The following TYW1B variants were observed in gnomAD, a reference collection of about 807,000 sequenced individuals.
TYW1B encodes S-adenosyl-L-methionine-dependent tRNA 4-demethylwyosine synthase TYW1B.
A neutral mutation model predicts 86.9 loss-of-function variants in TYW1B; 73 were observed. That is an observed-to-expected ratio of 0.84 (90% CI 0.70 to 1.02). TYW1B has a LOEUF of 1.02. TYW1B is among the 50% of genes least tolerant of loss of function. TYW1B has a pLI of 0.00. For missense variants in TYW1B, 637 were observed against 827.4 expected (o/e 0.77, Z 2.82); for synonymous variants, 248 against 292.8 (o/e 0.85, Z 1.56).
chr7:72,588,902 T>A (rs1811334825), intron 13 of TYW1B, among the ~76,000 whole-genome samples: 1 of 152,052 alleles, frequency 6.6e-6, no homozygotes, highest in African/African-American at 2.4e-5. Flanking sequence ...AACCTCTGCC[T>A]CCTGGGTTCA....
intron 11 of TYW1B, among the ~76,000 whole-genome samples, chr7:72,657,065 T>C (rs1813221742): frequency 6.6e-6 from 1 of 152,172 alleles, no homozygotes. Context: ...AGGAAATTTA[T>C]GAAATGCCTG....
intron 7 of TYW1B, 148 bp from the exon 8 acceptor site, chr7:72,744,749 A>G: frequency 1.1e-6 from 1 of 942,532 alleles, no homozygotes; most frequent in Non-Finnish European, 1.6e-6. Context: ...TTCGCATCAG[A>G]GCATTTTAGT....
chr7:72,606,961 C>T (rs1301163505), intron 13 of TYW1B, among the ~76,000 whole-genome samples: 8 of 152,236 alleles, frequency 5.3e-5, no homozygotes, highest in East Asian at 3.9e-4. Context: ...TCACTTATCA[C>T]ACCTAGAAAC....
chr7:72,631,698 A>G (rs566913151), intron 11 of TYW1B, among the ~76,000 whole-genome samples: 6 of 152,266 alleles, frequency 3.9e-5, no homozygotes, highest in African/African-American at 1.2e-4. Flanking sequence ...TTGGAAACCT[A>G]AGAGAATCAA....
intron 13 of TYW1B, among the ~76,000 whole-genome samples, chr7:72,598,928 A>T (rs1460843702): frequency 2.6e-5 from 4 of 152,202 alleles, no homozygotes; most frequent in African/African-American, 9.7e-5. Flanking sequence ...TCCTTGTCCT[A>T]GGTGGGTTCA....
intron 13 of TYW1B, among the ~76,000 whole-genome samples, chr7:72,589,970 G>A: frequency 6.6e-6 from 1 of 152,162 alleles, no homozygotes; most frequent in Non-Finnish European, 1.5e-5. Flanking sequence ...TTGTGCTGAA[G>A]GAGAATAGCA....
chr7:72,741,538 A>T (rs1276391204), intron 8 of TYW1B, among the ~76,000 whole-genome samples: 1 of 152,186 alleles, frequency 6.6e-6, no homozygotes, highest in African/African-American at 2.4e-5. Context: ...TAAAAGTTCC[A>T]GAAGGAGATA....
intron 11 of TYW1B, among the ~76,000 whole-genome samples, chr7:72,631,117 C>T (rs1182216624): frequency 3.3e-5 from 5 of 151,832 alleles, no homozygotes; most frequent in Admixed American, 1.3e-4. Flanking sequence ...GCAAATCAAA[C>T]GCCATTTGGT....
chr7:72,590,280 T>C (rs187025207), intron 13 of TYW1B, among the ~76,000 whole-genome samples: 9 of 152,218 alleles, frequency 5.9e-5, no homozygotes, highest in South Asian at 2.1e-4. Context: ...GCTGTGTACA[T>C]GTTATGGGAG....
intron 11 of TYW1B, among the ~76,000 whole-genome samples, chr7:72,679,304 G>A (rs1351026605): frequency 6.6e-6 from 1 of 152,082 alleles, no homozygotes; most frequent in East Asian, 1.9e-4. Context: ...AGAAATTATT[G>A]CACATGTGCA....
intron 11 of TYW1B, among the ~76,000 whole-genome samples, chr7:72,693,814 A>G (rs35433355): frequency 6.6e-6 from 1 of 152,206 alleles, no homozygotes; most frequent in Non-Finnish European, 1.5e-5. Context: ...ACAATTAAAA[A>G]TCACACAAAT....
At chr7:72,624,093 G>A (rs1585856445) in intron 12 of TYW1B, among the ~76,000 whole-genome samples, 2 of 152,092 alleles carry the variant, frequency 1.3e-5, no homozygotes, top group Admixed American at 1.3e-4. Context: ...GAGCCACCAG[G>A]CCCAGCCAAT....
At chr7:72,679,625 T>C (rs1337559939) in intron 11 of TYW1B, among the ~76,000 whole-genome samples, 6 of 152,278 alleles carry the variant, frequency 3.9e-5, no homozygotes, top group African/African-American at 4.8e-5. Context: ...ATGGTGGTAA[T>C]AGTTGCATAT....
In TYW1B at chr7:72,686,968, TAAC is replaced by T. The variant is rs1459879505; in HGVS notation, c.1506+7716_1506+7718del. Among the ~76,000 whole-genome samples, 12 of 152,080 alleles carry T rather than the reference TAAC, an allele frequency of 7.9e-5. No individual in the cohort carries two copies. In the East Asian group the frequency reaches 1.7e-3, roughly 22 times the overall value. ...CACAGACCAAATTGAAAAATAATAA[TAAC>T]AACATTTCTGAAAGAGGAAAACATA... On this transcript the variant is annotated intron_variant, in intron 11 of 13. Transcript: ENST00000620995.
chr7:72,825,462 T>C (rs1554481274), intron 2 of TYW1B, among the ~76,000 whole-genome samples: 1 of 152,170 alleles, frequency 6.6e-6, no homozygotes, highest in Non-Finnish European at 1.5e-5. Flanking sequence ...GCGCATCACC[T>C]GAGCCCAGGA....
At chr7:72,749,579 G>A (rs534242494) in intron 7 of TYW1B, among the ~76,000 whole-genome samples, 14 of 151,332 alleles carry the variant, frequency 9.3e-5, no homozygotes, top group African/African-American at 2.2e-4. Context: ...GGCGTGAGCC[G>A]CCGCACCCAG....
intron 9 of TYW1B, among the ~76,000 whole-genome samples, chr7:72,728,496 G>A (rs1399960081): frequency 5.3e-5 from 8 of 151,954 alleles, no homozygotes; most frequent in Admixed American, 6.6e-5. Flanking sequence ...TAGTAGAGAC[G>A]GGGTTTCACC....
intron 9 of TYW1B, among the ~76,000 whole-genome samples, chr7:72,723,936 T>C (rs71553274): frequency 0.69 from 101,517 of 146,962 alleles, 36,008 homozygotes; most frequent in Non-Finnish European, 0.77. Flanking sequence ...ACCAGTTTTC[T>C]AGAAGGGCTC....
chr7:72,768,603 T>C lies in TYW1B; in HGVS notation c.964+8813A>G, dbSNP rs541513910. On this transcript the variant is annotated intron_variant, in intron 7 of 13. Coordinates refer to ENST00000620995, the MANE Select transcript of TYW1B (RefSeq NM_001145440.3). ...GAGATCGAGACCATCCTGGCTAATA[T>C]GGTGAAACCCCGTCTCTACTAAAAA... is the stretch of plus-strand genomic sequence containing the variant. 5.3e-5 allele frequency among the ~76,000 whole-genome samples: 8 copies of C among 152,042 alleles called. No individual in the cohort carries two copies. In the East Asian group the frequency reaches 1.2e-3, roughly 22 times the overall value.
Sources: allele counts gnomAD v4.1 joint callset (sites outside exome capture counted in the v4.1 genomes callset), GRCh38; gene constraint gnomAD v4.1.1; transcripts MANE v1.5; gene names NCBI Gene and HGNC (gene_info 2026-07-23, HGNC 2026-07-21).